The following ARHGAP44 variants were observed in gnomAD, a reference collection of about 807,000 sequenced individuals.
The protein encoded by ARHGAP44 is rho GTPase-activating protein 44.
In ARHGAP44, 43 loss-of-function variants were observed where a neutral mutation model predicts 106.8. The ratio of observed to expected loss-of-function variants is 0.40; its 90% CI spans 0.32 to 0.52. The LOEUF is 0.52. Ranked by LOEUF, ARHGAP44 falls within the 20% of genes least tolerant of loss-of-function variation. ARHGAP44 has a pLI of 0.48. For synonymous variants in ARHGAP44, 439 were observed against 410.3 expected (o/e 1.07, Z -0.85); for missense variants, 866 against 1,050.5 (o/e 0.82, Z 2.43).
intron 1 of ARHGAP44, among the ~76,000 whole-genome samples, chr17:12,872,546 C>T (rs750537353): frequency 3.9e-5 from 6 of 152,120 alleles, no homozygotes; most frequent in Non-Finnish European, 7.3e-5. Flanking sequence ...TAGATTCAAG[C>T]GAATTTTCAT....
intron 1 of ARHGAP44, among the ~76,000 whole-genome samples, chr17:12,855,538 A>C (rs1410589385): frequency 6.6e-6 from 1 of 151,024 alleles, no homozygotes; most frequent in African/African-American, 2.4e-5. Context: ...TTTTTTTTAC[A>C]ACTAATTTAA....
chr17:12,941,743 A>T (rs2038714706), intron 8 of ARHGAP44, among the ~76,000 whole-genome samples: 1 of 152,234 alleles, frequency 6.6e-6, no homozygotes, highest in Admixed American at 6.5e-5. Context: ...AAACAGGATC[A>T]GAGTCATCTA....
chr17:12,859,835 T>C (rs2036016665), intron 1 of ARHGAP44, among the ~76,000 whole-genome samples: 1 of 152,182 alleles, frequency 6.6e-6, no homozygotes, highest in South Asian at 2.1e-4. Flanking sequence ...AAGAGGGAGC[T>C]GCACGCATTA....
intron 1 of ARHGAP44, among the ~76,000 whole-genome samples, chr17:12,888,410 TA>T (rs1352650728): frequency 6.6e-6 from 1 of 152,206 alleles, no homozygotes; most frequent in African/African-American, 2.4e-5. Context: ...ATGCTGCTGT[TA>T]CTGATTTCTC....
chr17:12,920,608 G>C (rs748238683), intron 6 of ARHGAP44, among the ~76,000 whole-genome samples: 2 of 152,106 alleles, frequency 1.3e-5, no homozygotes, highest in Non-Finnish European at 2.9e-5. Context: ...AGGTCGGCAT[G>C]GCTGGGGCGG....
chr17:12,911,226 A>G (rs912149584), intron 4 of ARHGAP44, among the ~76,000 whole-genome samples: 2 of 152,228 alleles, frequency 1.3e-5, no homozygotes, highest in African/African-American at 2.4e-5. Flanking sequence ...AGTCATGCCT[A>G]TAATATAATG....
At chr17:12,892,773 C>T (rs751013253) in intron 1 of ARHGAP44, among the ~76,000 whole-genome samples, 1 of 147,920 alleles carries the variant, frequency 6.8e-6, no homozygotes, top group Non-Finnish European at 1.5e-5. Flanking sequence ...CTCTGTTCTG[C>T]TGTTGAACCC....
intron 15 of ARHGAP44, among the ~76,000 whole-genome samples, chr17:12,957,511 C>G (rs2039159573): frequency 3.3e-5 from 5 of 152,094 alleles, no homozygotes; most frequent in African/African-American, 7.2e-5. Flanking sequence ...CCTTACAGAC[C>G]CACCTTTTGC....
chr17:12,909,620 G>A (rs1467045075), intron 4 of ARHGAP44, among the ~76,000 whole-genome samples: 1 of 152,248 alleles, frequency 6.6e-6, no homozygotes, highest in Admixed American at 6.5e-5. Flanking sequence ...CTTGAAAACA[G>A]ATGTAGAGCC....
chr17:12,869,824 A>AGCCT (rs2030797630), intron 1 of ARHGAP44, among the ~76,000 whole-genome samples: 1 of 152,000 alleles, frequency 6.6e-6, no homozygotes. Context: ...ACTGTTTTAT[A>AGCCT]GCCTGCCCTT....
At chr17:12,987,077 A>C in intron 20 of ARHGAP44, 1 of 1,509,396 alleles carries the variant, frequency 6.6e-7, no homozygotes, top group Non-Finnish European at 8.8e-7. Flanking sequence ...CCTTTCTCCG[A>C]ATCCTATCAT....
rs537743588 is a variant in ARHGAP44 at position 12,967,208 on chromosome 17, C to T, written c.1524-6094C>T. Among the ~76,000 whole-genome samples, 22 of 141,706 alleles carry T rather than the reference C, an allele frequency of 1.6e-4. 1 individual carries two copies. Among genetic ancestry groups the T allele is most frequent in the East Asian group, 2.3e-4 (1 of 4,342 alleles). The allele number at this position is 141,706 out of a possible 152,430, so 93.0% of individuals were successfully genotyped here. ...CTGGACACTGGCCAGGGTTAAACTT[C>T]GGGGTGTGAATCAGAAGATCCTGAT... On this transcript the variant is annotated intron_variant, in intron 16 of 20. Coordinates refer to ENST00000379672, the MANE Select transcript of ARHGAP44 (RefSeq NM_014859.6).
In ARHGAP44 at chr17:12,796,136, A is replaced by ATATCTATC. The variant is rs67730348; in HGVS notation, c.53+6269_53+6276dup. 1.1e-3 allele frequency among the ~76,000 whole-genome samples: 158 copies of ATATCTATC among 150,322 alleles called. 1 individual carries two copies. The highest frequency in any genetic ancestry group is 3.4e-3 in the Middle Eastern group (1 of 294). ...TATAGTCTTTCAGTTTTTGAGAAGT[A>ATATCTATC]TATCTATCTATCTATCTATCTATCT... On this transcript the variant is annotated intron_variant, in intron 1 of 20. Transcript: ENST00000379672.
At chr17:12,809,452 T>C (rs1201062532) in intron 1 of ARHGAP44, among the ~76,000 whole-genome samples, 1 of 152,216 alleles carries the variant, frequency 6.6e-6, no homozygotes, top group African/African-American at 2.4e-5. Context: ...AAGCGTGTCT[T>C]ACACGGCAGC....
intron 16 of ARHGAP44, 82 bp from the exon 17 acceptor site, chr17:12,973,220 C>A: frequency 7.1e-7 from 1 of 1,415,012 alleles, no homozygotes; most frequent in Non-Finnish European, 9.8e-7. Flanking sequence ...GGAGAGAGAC[C>A]CCTTACAGAA....
chr17:12,951,951 C>T (rs977579000), intron 12 of ARHGAP44, among the ~76,000 whole-genome samples: 8 of 152,122 alleles, frequency 5.3e-5, no homozygotes, highest in African/African-American at 1.9e-4. Flanking sequence ...CCAACACTAA[C>T]CTTAATAAGA....
intron 16 of ARHGAP44, among the ~76,000 whole-genome samples, chr17:12,968,930 C>T (rs1347837905): frequency 2.6e-5 from 4 of 151,894 alleles, no homozygotes; most frequent in Admixed American, 1.3e-4. Flanking sequence ...CCACCACGCC[C>T]GGCTAATTGT....
At position 12,984,623 on chromosome 17, in the gene ARHGAP44, A is replaced by G; in HGVS notation, c.2032A>G (p.Ser678Gly). The G allele has an allele frequency of 1.2e-6, 2 of 1,611,618 alleles. No homozygotes were observed. The highest frequency in any genetic ancestry group is 1.7e-6 in the Non-Finnish European group (2 of 1,179,158). Residue 678 changes from serine to glycine, a missense_variant, in exon 20 of 21, where the codon AGC (serine) becomes GGC (glycine). Physicochemically the swap from Ser to Gly is moderately conservative, Grantham distance 56. This residue lies in a region of ARHGAP44 where 418 missense variants were observed against 403.6 expected (regional missense o/e 1.04). Coordinates refer to ENST00000379672, the MANE Select transcript of ARHGAP44 (RefSeq NM_014859.6). ...GTCCGCTGGCCAGCCGTCCCCAGTC[A>G]GCCTGTCCCCCACCCCGCCCAGCAC... is the stretch of plus-strand genomic sequence containing the variant. ...DQSAGQPSPV[S>G]LSPTPPSTPS...
At chr17:12,938,192 A>T (rs577984350) in intron 7 of ARHGAP44, among the ~76,000 whole-genome samples, 1 of 152,334 alleles carries the variant, frequency 6.6e-6, no homozygotes, top group African/African-American at 2.4e-5. Flanking sequence ...CAATATAATG[A>T]CAAGAAGACA....
Sources: allele counts gnomAD v4.1 joint callset (sites outside exome capture counted in the v4.1 genomes callset), GRCh38; gene constraint gnomAD v4.1.1; regional missense constraint gnomAD v4.1.1; transcripts MANE v1.5; gene names NCBI Gene and HGNC (gene_info 2026-07-23, HGNC 2026-07-21).